Variants in RHOBTB3 observed in about 807,000 individuals in gnomAD.
RHOBTB3 encodes Rho related BTB domain containing 3.
RHOBTB3 carries 47 observed loss-of-function variants against 67.2 expected under a neutral mutation model. That is an observed-to-expected ratio of 0.70 (90% CI 0.55 to 0.89). The LOEUF (loss-of-function observed/expected upper bound fraction) is 0.89, where lower values mean the gene tolerates loss of function less well. RHOBTB3 is among the 40% of genes least tolerant of loss of function. The pLI is 0.00. For missense variants in RHOBTB3, 631 were observed against 750.0 expected (o/e 0.84, Z 1.85); for synonymous variants, 273 against 274.2 (o/e 1.00, Z 0.04).
At chr5:95,762,499 G>C (rs1013953484) in intron 6 of RHOBTB3, among the ~76,000 whole-genome samples, 1 of 152,156 alleles carries the variant, frequency 6.6e-6, no homozygotes, top group African/African-American at 2.4e-5. Flanking sequence ...AGATAAAAAA[G>C]GGTCTTGAAT....
At chr5:95,746,856 G>A (rs539152544) in intron 3 of RHOBTB3, among the ~76,000 whole-genome samples, 1 of 152,330 alleles carries the variant, frequency 6.6e-6, no homozygotes, top group South Asian at 2.1e-4. Context: ...TCTAAGCCAT[G>A]TGTGTCTGTG....
At chr5:95,720,646 G>C (rs1352616641) in intron 1 of RHOBTB3, among the ~76,000 whole-genome samples, 1 of 151,032 alleles carries the variant, frequency 6.6e-6, no homozygotes, top group Non-Finnish European at 1.5e-5. Context: ...TTTTTGGTCT[G>C]TTTTGTTTGT....
intron 11 of RHOBTB3, among the ~76,000 whole-genome samples, chr5:95,792,288 G>T (rs1746421096): frequency 6.6e-6 from 1 of 151,942 alleles, no homozygotes; most frequent in South Asian, 2.1e-4. Flanking sequence ...TCGGGAGGCT[G>T]AGGCAGGAGA....
chr5:95,754,210 G>A (rs1434313890), intron 5 of RHOBTB3, among the ~76,000 whole-genome samples: 1 of 152,202 alleles, frequency 6.6e-6, no homozygotes, highest in Non-Finnish European at 1.5e-5. Flanking sequence ...CAGCCTCAGC[G>A]TTCACAAGGC....
At chr5:95,771,844 T>G (rs1287819356) in intron 8 of RHOBTB3, among the ~76,000 whole-genome samples, 4 of 152,200 alleles carry the variant, frequency 2.6e-5, no homozygotes, top group Non-Finnish European at 5.9e-5. Context: ...GAATAGATAA[T>G]TTTGTACAAT....
chr5:95,769,434 A>T, intron 8 of RHOBTB3: 1 of 238,008 alleles, frequency 4.2e-6, no homozygotes, highest in Non-Finnish European at 8.5e-6. Flanking sequence ...GAAAGGTATG[A>T]TGTTAGCTAT....
chr5:95,775,577 T>C (rs1207900759), intron 8 of RHOBTB3, among the ~76,000 whole-genome samples: 1 of 152,032 alleles, frequency 6.6e-6, no homozygotes, highest in East Asian at 1.9e-4. Flanking sequence ...GTGCCAGGCA[T>C]GAAGGTTTGC....
Position 95,748,361 on chromosome 5 carries a change from T to A in RHOBTB3, c.444T>A (p.Cys148Ter), listed in dbSNP as rs777561402. The stretch of plus-strand genomic sequence containing the variant: ...AGTTACCTTGTACATGCCCACTATG[T>A]ACCTCAGACAGAGGGAGCTGTGTTA... The part of the protein sequence containing the change: ...NEELPCTCPL[C>*]TSDRGSCVST... The change falls in exon 4 of 12, where the codon TGT becomes TGA. Residue 148 changes from cysteine (C) to a stop codon, truncating the protein, a stop_gained. Transcript: ENST00000379982. LOFTEE classifies it high-confidence loss of function. The A allele has an allele frequency of 6.8e-6, 11 of 1,611,400 alleles. No homozygotes were observed. The highest frequency in any genetic ancestry group is 9.3e-6 in the Non-Finnish European group (11 of 1,178,492).
chr5:95,786,076 C>A (rs1174222451), intron 10 of RHOBTB3, among the ~76,000 whole-genome samples: 1 of 152,118 alleles, frequency 6.6e-6, no homozygotes, highest in African/African-American at 2.4e-5. Flanking sequence ...TTTTTATTTT[C>A]TAAGATTAAG....
intron 6 of RHOBTB3, among the ~76,000 whole-genome samples, chr5:95,758,518 G>T (rs1325617531): frequency 5.9e-5 from 9 of 152,144 alleles, no homozygotes; most frequent in Admixed American, 5.9e-4. Flanking sequence ...TCTTAGACTT[G>T]TGCTAGAGTT....
At position 95,731,656 on chromosome 5, in the gene RHOBTB3, C is replaced by T. The variant is rs1300842025; in HGVS notation, c.-27C>T. On this transcript the variant is annotated 5_prime_UTR_variant, in exon 1 of 12. Coordinates refer to ENST00000379982, the MANE Select transcript of RHOBTB3 (RefSeq NM_014899.4). ...CGTGAGCCGCTGCTTTTCTCCGAGT[C>T]GCCGCCCTGCCCTTGGATTTGAGAT... The T allele has an allele frequency of 1.2e-6, 2 of 1,613,050 alleles. No individual in the cohort carries two copies. Among genetic ancestry groups the T allele is most frequent in the Non-Finnish European group, 8.5e-7 (1 of 1,179,670 alleles).
At position 95,768,117 on chromosome 5, in the gene RHOBTB3, G is replaced by A. The variant is rs1369855041; in HGVS notation, c.1233G>A (p.Lys411=). 1 of 1,613,600 alleles carries A rather than the reference G, an allele frequency of 6.2e-7. No individual in the cohort carries two copies. ...KPLWFYNTSL[K]FFLNKPMLAD... ...TGTGGTTTTATAACACTTCCCTCAA[G>A]TTTTTCCTTAATAAGCCGATGCTTG... Residue 411 remains lysine (K), a synonymous_variant, in exon 8 of 12, where the codon AAG becomes AAA. Transcript: ENST00000379982.
chr5:95,755,032 T>C (rs576586454), intron 5 of RHOBTB3, among the ~76,000 whole-genome samples: 104 of 152,346 alleles, frequency 6.8e-4, no homozygotes, highest in Non-Finnish European at 1.3e-3. Flanking sequence ...AGTTCAGTAT[T>C]TGGCGGCTTG....
intron 8 of RHOBTB3, among the ~76,000 whole-genome samples, chr5:95,776,073 T>C (rs1745869904): frequency 6.6e-6 from 1 of 152,166 alleles, no homozygotes; most frequent in African/African-American, 2.4e-5. Context: ...TGGGAAGTAA[T>C]TGGAATAATA....
At chr5:95,744,954 C>T (rs575874112) in intron 3 of RHOBTB3, among the ~76,000 whole-genome samples, 2 of 151,940 alleles carry the variant, frequency 1.3e-5, no homozygotes, top group Admixed American at 6.6e-5. Context: ...ACCAGTAGTT[C>T]CAGCCACTAG....
At chr5:95,770,479 C>G in intron 8 of RHOBTB3, 2 of 308,620 alleles carry the variant, frequency 6.5e-6, no homozygotes, top group South Asian at 3.9e-5. Flanking sequence ...TTGGTAGTTA[C>G]AACAATTGTG....
In RHOBTB3 at chr5:95,767,248, T is replaced by A. The variant is rs149745963; in HGVS notation, c.1162-798T>A. On this transcript the variant is annotated intron_variant, in intron 7 of 11. Transcript: ENST00000379982. ...GGTGAACCACTTCATTACTCTACGT[T>A]ATTTTTTTAACTGTTCACTCCTTTA... Among the ~76,000 whole-genome samples, 372 of 152,286 alleles carry A rather than the reference T, an allele frequency of 2.4e-3. 3 individuals are homozygous for A. Among genetic ancestry groups the A allele is most frequent in the African/African-American group, 8.6e-3 (357 of 41,558 alleles).
At chr5:95,774,786 G>C (rs533847731) in intron 8 of RHOBTB3, among the ~76,000 whole-genome samples, 65 of 152,160 alleles carry the variant, frequency 4.3e-4, no homozygotes, top group African/African-American at 1.4e-3. Context: ...TGATACAACT[G>C]TATGTTTTTA....
chr5:95,772,589 C>T (rs1466290412), intron 8 of RHOBTB3, among the ~76,000 whole-genome samples: 1 of 152,096 alleles, frequency 6.6e-6, no homozygotes, highest in African/African-American at 2.4e-5. Context: ...CTCTAAATGA[C>T]TAATCTCATT....
Sources: gnomAD v4.1 joint callset for allele counts (sites outside exome capture counted in the v4.1 genomes callset) on GRCh38, gnomAD v4.1.1 for gene constraint, MANE v1.5 for transcripts, NCBI Gene and HGNC (gene_info 2026-07-23, HGNC 2026-07-21) for gene names.